Variants in SHOC2 observed in about 807,000 individuals in gnomAD.
The protein encoded by SHOC2 is leucine-rich repeat protein SHOC-2.
Under a neutral mutation model 50.2 loss-of-function variants are expected in SHOC2, and 4 were observed. The observed-to-expected ratio is 0.08, with a 90% CI of 0.04 to 0.18. The LOEUF (loss-of-function observed/expected upper bound fraction) is 0.18. SHOC2 is among the 10% of genes least tolerant of loss of function. The pLI, the probability that SHOC2 is intolerant of heterozygous loss-of-function variation, is 1.00. For synonymous variants in SHOC2, 218 were observed against 244.5 expected, an observed-to-expected ratio of 0.89 and a Z score of 1.01; for missense variants, 388 against 669.6, an observed-to-expected ratio of 0.58 and a Z score of 4.64.
chr10:111,000,670 C>T, intron 4 of SHOC2, 125 bp downstream of exon 4: 3 of 831,414 alleles, frequency 3.6e-6, no homozygotes, highest in Middle Eastern at 3.4e-4. Flanking sequence ...AATGAGTATG[C>T]TGTGAATGTA....
chr10:110,920,588 T>G (rs1846617937), intron 1 of SHOC2, among the ~76,000 whole-genome samples: 1 of 152,232 alleles, frequency 6.6e-6, no homozygotes, highest in African/African-American at 2.4e-5. Context: ...TGTGGAATTA[T>G]GGATTTACAA....
intron 1 of SHOC2, among the ~76,000 whole-genome samples, chr10:110,951,014 A>G (rs952408923): frequency 2.0e-5 from 3 of 152,216 alleles, no homozygotes. Context: ...AAGCATAAGG[A>G]ATAAAAGCGA....
intron 3 of SHOC2, among the ~76,000 whole-genome samples, chr10:110,993,737 A>T (rs1848222833): frequency 6.6e-6 from 1 of 152,152 alleles, no homozygotes; most frequent in Middle Eastern, 3.2e-3. Context: ...CTTAAGAGTT[A>T]TTTGGTTTTG....
intron 1 of SHOC2, among the ~76,000 whole-genome samples, chr10:110,927,144 G>A (rs772946860): frequency 3.3e-5 from 5 of 152,020 alleles, no homozygotes; most frequent in Non-Finnish European, 7.4e-5. Context: ...CTGGTTAACC[G>A]GACTGGGAAA....
At chr10:110,931,492 T>G (rs2134076742) in intron 1 of SHOC2, among the ~76,000 whole-genome samples, 1 of 152,236 alleles carries the variant, frequency 6.6e-6, no homozygotes, top group Non-Finnish European at 1.5e-5. Context: ...GTGGGAGAGC[T>G]CTTTCTTTTT....
At chr10:110,929,722 C>T (rs927895436) in intron 1 of SHOC2, among the ~76,000 whole-genome samples, 8 of 152,194 alleles carry the variant, frequency 5.3e-5, no homozygotes, top group Admixed American at 2.0e-4. Flanking sequence ...ATGAAAACCC[C>T]ACCCTTGTGA....
intron 1 of SHOC2, among the ~76,000 whole-genome samples, chr10:110,955,247 A>G (rs1847437058): frequency 6.6e-6 from 1 of 152,168 alleles, no homozygotes. Context: ...GAGTACGGTG[A>G]AGGCAATGAA....
intron 3 of SHOC2, chr10:110,989,053 G>GAT (rs774491001): frequency 2.0e-6 from 1 of 500,102 alleles, no homozygotes; most frequent in South Asian, 1.5e-5. Context: ...AATTTTCCAT[G>GAT]ATATATTATT....
intron 7 of SHOC2, 98 bp downstream of exon 7, chr10:111,009,483 T>C: frequency 3.6e-6 from 4 of 1,109,234 alleles, no homozygotes; most frequent in African/African-American, 1.6e-5. Context: ...TTGGATCAGA[T>C]AGACTTTCCT....
intron 1 of SHOC2, among the ~76,000 whole-genome samples, chr10:110,939,364 C>T (rs1026416117): frequency 2.0e-5 from 3 of 152,044 alleles, no homozygotes; most frequent in African/African-American, 7.2e-5. Flanking sequence ...ACCATAAGCA[C>T]GTGCCACCAT....
At chr10:110,979,073 A>G (rs938734947) in intron 2 of SHOC2, among the ~76,000 whole-genome samples, 1 of 152,192 alleles carries the variant, frequency 6.6e-6, no homozygotes, top group African/African-American at 2.4e-5. Context: ...CTTCTGATTT[A>G]GTGTCTCTCA....
intron 1 of SHOC2, among the ~76,000 whole-genome samples, chr10:110,938,861 G>A (rs573877252): frequency 1.3e-5 from 2 of 152,278 alleles, no homozygotes; most frequent in African/African-American, 4.8e-5. Flanking sequence ...TTTTAATAGG[G>A]ATAAATGATA....
intron 2 of SHOC2, among the ~76,000 whole-genome samples, chr10:110,983,270 CA>C (rs1300540475): frequency 6.6e-6 from 1 of 151,740 alleles, no homozygotes; most frequent in African/African-American, 2.4e-5. Context: ...TTTTTTCCAC[CA>C]AAAAACTATC....
intron 1 of SHOC2, among the ~76,000 whole-genome samples, chr10:110,940,936 T>TGACAGGG (rs1564705822): frequency 2.7e-4 from 7 of 26,360 alleles, no homozygotes; most frequent in Non-Finnish European, 4.6e-4. Context: ...TTTTTTTTTT[T>TGACAGGG]TTTTTTTTTT....
chr10:110,949,659 T>C (rs1847312995), intron 1 of SHOC2, among the ~76,000 whole-genome samples: 1 of 151,780 alleles, frequency 6.6e-6, no homozygotes, highest in Non-Finnish European at 1.5e-5. Flanking sequence ...GTATCTCTGA[T>C]TAACGTAGAC....
intron 1 of SHOC2, among the ~76,000 whole-genome samples, chr10:110,948,200 C>T (rs1426010488): frequency 1.3e-5 from 2 of 152,142 alleles, no homozygotes; most frequent in Admixed American, 6.5e-5. Flanking sequence ...ATACACTCAA[C>T]ATCAGAGCAC....
At chr10:110,938,090 T>C (rs1448599503) in intron 1 of SHOC2, among the ~76,000 whole-genome samples, 1 of 152,190 alleles carries the variant, frequency 6.6e-6, no homozygotes, top group Non-Finnish European at 1.5e-5. Flanking sequence ...CTGAATGGCA[T>C]CTTGTTTTTC....
chr10:110,986,066 C>G (rs759781720), intron 3 of SHOC2: 8 of 330,404 alleles, frequency 2.4e-5, no homozygotes, highest in Non-Finnish European at 3.5e-5. Context: ...CTGCTTATTT[C>G]TGAGTTGCAT....
intron 1 of SHOC2, among the ~76,000 whole-genome samples, chr10:110,941,240 T>C (rs1254864603): frequency 6.6e-6 from 1 of 152,154 alleles, no homozygotes. Flanking sequence ...GAACATCTTA[T>C]TTGAACATAC....
Sources: gnomAD v4.1 joint callset for allele counts (sites outside exome capture counted in the v4.1 genomes callset) on GRCh38, gnomAD v4.1.1 for gene constraint, MANE v1.5 for transcripts, NCBI Gene and HGNC (gene_info 2026-07-23, HGNC 2026-07-21) for gene names.